UNC13A: variants seen among roughly 807,000 people sequenced by gnomAD.
UNC13A encodes the protein unc-13 homolog A.
Under a neutral mutation model 219.7 loss-of-function variants are expected in UNC13A, and 61 were observed. That is an observed-to-expected ratio of 0.28 (90% CI 0.23 to 0.34). The LOEUF (loss-of-function observed/expected upper bound fraction) is 0.34, where lower values mean the gene tolerates loss of function less well. Ranked by LOEUF, UNC13A falls within the 10% of genes least tolerant of loss-of-function variation. UNC13A has a pLI of 1.00. For synonymous variants in UNC13A, 920 were observed against 884.6 expected (o/e 1.04, Z -0.71); for missense variants, 1,476 against 2,270.3 (o/e 0.65, Z 7.11).
intron 43 of UNC13A, among the ~76,000 whole-genome samples, 182 bp from the exon 44 acceptor site, chr19:17,606,536 G>T (rs957750301): frequency 1.3e-5 from 2 of 151,852 alleles, no homozygotes; most frequent in Non-Finnish European, 2.9e-5. Flanking sequence ...GCTTGGCCGC[G>T]CCCACAGCAG....
In UNC13A at chr19:17,649,339, C is replaced by A. The variant is rs2079301538; in HGVS notation, c.1524G>T (p.Met508Ile). ...AGAGGCCCATGTCGCCATCACTCAC[C>A]ATGGCCTGAAGTGTCCACGCAGCAC... ...KPIPLVSDLA[M>I]SLVQSRKAGI... The change falls in exon 14 of 44, where the codon ATG (methionine) becomes ATT (isoleucine). Residue 508 changes from methionine to isoleucine, a missense_variant and splice_region_variant. Physicochemically the swap from Met to Ile is conservative, Grantham distance 10. Around this residue, in one of 14 missense-constraint regions of UNC13A, gnomAD observed 85 missense variants for 211.5 expected, o/e 0.40. Transcript: ENST00000519716. This position sits in a 1 kb window ranked among gnomAD's most constrained non-coding sequence, Gnocchi z 4.4. 1.3e-6 allele frequency: 2 copies of A among 1,590,388 alleles called. No individual in the cohort carries two copies. Among genetic ancestry groups the A allele is most frequent in the Non-Finnish European group, 8.5e-7 (1 of 1,172,718 alleles).
At chr19:17,616,995 G>C (rs978091543) in intron 41 of UNC13A, among the ~76,000 whole-genome samples, 10 of 152,158 alleles carry the variant, frequency 6.6e-5, no homozygotes, top group East Asian at 1.9e-4. Flanking sequence ...AAAATACAGA[G>C]AGAAAGAGAG....
chr19:17,667,003 C>T (rs10424857), intron 6 of UNC13A, among the ~76,000 whole-genome samples: 126,877 of 151,778 alleles, frequency 0.84, 53,759 homozygotes, highest in Middle Eastern at 0.92. Flanking sequence ...CCTGTAATCC[C>T]AGCACTTTGG....
chr19:17,665,776 T>G (rs1331505937), intron 7 of UNC13A, among the ~76,000 whole-genome samples: 2 of 152,208 alleles, frequency 1.3e-5, no homozygotes, highest in Non-Finnish European at 2.9e-5. Flanking sequence ...GAATAGTTTG[T>G]GGAATGAGTT....
At chr19:17,640,209 T>G (rs2076954169) in intron 22 of UNC13A, among the ~76,000 whole-genome samples, 1 of 152,088 alleles carries the variant, frequency 6.6e-6, no homozygotes, top group Admixed American at 6.6e-5. Flanking sequence ...TAATTTTCTT[T>G]TGGATTTTTA....
At chr19:17,606,522 C>T (rs528803213) in intron 43 of UNC13A, among the ~76,000 whole-genome samples, 168 bp from the exon 44 acceptor site, 1 of 152,282 alleles carries the variant, frequency 6.6e-6, no homozygotes, top group African/African-American at 2.4e-5. Context: ...ACCTACAACC[C>T]TGTGCTTGGC....
Position 17,623,569 on chromosome 19 carries a change from G to T in UNC13A, c.4198-22C>A. Reference sequence around the variant, plus strand: ...TCATCTGTCATCCGTGATGGGGGCGGGGCGGTGGGGGAGGGGGGAATAAGG... The same window carrying T: ...TCATCTGTCATCCGTGATGGGGGCGTGGCGGTGGGGGAGGGGGGAATAAGG... On this transcript the variant is annotated intron_variant, in intron 35 of 43. Coordinates refer to ENST00000519716, the MANE Select transcript of UNC13A (RefSeq NM_001080421.3). 3 of 1,313,886 alleles carry T rather than the reference G, an allele frequency of 2.3e-6. No homozygotes were observed. In the East Asian group the frequency reaches 8.3e-5, roughly 36 times the overall value. 81.4% of individuals were successfully genotyped at this position (1,313,886 alleles called of 1,614,324 possible).
At chr19:17,650,919 G>A (rs1042720239) in intron 12 of UNC13A, among the ~76,000 whole-genome samples, 2 of 143,432 alleles carry the variant, frequency 1.4e-5, no homozygotes, top group Admixed American at 7.3e-5. Flanking sequence ...GGTGTACACC[G>A]CCACACCCAG....
intron 5 of UNC13A, among the ~76,000 whole-genome samples, chr19:17,668,889 G>C (rs1599402687): frequency 6.6e-6 from 1 of 152,090 alleles, no homozygotes; most frequent in East Asian, 1.9e-4. Flanking sequence ...TCAAACTCCT[G>C]GGCTTGAGCC....
chr19:17,642,026 G>T (rs2076975660), intron 20 of UNC13A, among the ~76,000 whole-genome samples: 1 of 87,234 alleles, frequency 1.1e-5, no homozygotes, highest in Non-Finnish European at 2.5e-5. Flanking sequence ...TTGTCCATCT[G>T]CCTATACATC....
rs986388443 is a variant in UNC13A, at chr19:17,602,862, C to T, written c.*3192G>A. ...ACATAATTCCACTAGGCGTAGACTC[C>T]CTGTCACCCACTTGTGCCCAGCCTG... On this transcript the variant is annotated 3_prime_UTR_variant, in exon 44 of 44. Coordinates refer to ENST00000519716, the MANE Select transcript of UNC13A (RefSeq NM_001080421.3). The T allele has an allele frequency of 6.6e-6, 1 of 152,290 alleles. No homozygotes were observed. The highest frequency in any genetic ancestry group is 2.4e-5 in the African/African-American group (1 of 41,442). The allele number at this position is 152,290 out of a possible 1,614,324, so 9.4% of individuals were successfully genotyped here. A position where few individuals can be genotyped will look rare whatever the true frequency, so the allele number is the denominator to read the frequency against.
chr19:17,608,417 ATATT>A (rs1157792608), intron 43 of UNC13A, among the ~76,000 whole-genome samples: 5 of 138,114 alleles, frequency 3.6e-5, no homozygotes, highest in African/African-American at 1.4e-4. Context: ...ATATAAAAAT[ATATT>A]TATATGATAT....
chr19:17,628,074 C>T, intron 31 of UNC13A, 134 bp from the exon 32 acceptor site: 2 of 768,644 alleles, frequency 2.6e-6, no homozygotes, highest in South Asian at 3.2e-5. Context: ...GGGTCACCTG[C>T]AAATGGAAGG....
chr19:17,621,957 G>A, intron 36 of UNC13A, 87 bp from the exon 37 acceptor site: 1 of 1,364,494 alleles, frequency 7.3e-7, no homozygotes, highest in Non-Finnish European at 1.0e-6. Context: ...TCATGGGGAT[G>A]GGGGAATCCA....
At chr19:17,640,844 G>C (rs1160081287) in intron 21 of UNC13A, among the ~76,000 whole-genome samples, 183 bp from the exon 22 acceptor site, 2 of 151,152 alleles carry the variant, frequency 1.3e-5, no homozygotes, top group Non-Finnish European at 2.9e-5. Flanking sequence ...ATATCCATTT[G>C]AGTTGCTCTA....
At chr19:17,678,704 G>A in intron 1 of UNC13A, among the ~76,000 whole-genome samples, 1 of 152,038 alleles carries the variant, frequency 6.6e-6, no homozygotes, top group South Asian at 2.1e-4. Context: ...TGCCCAGCAG[G>A]AGCTTTGGGC....
intron 16 of UNC13A, 63 bp downstream of exon 16, chr19:17,648,368 G>T: frequency 9.3e-6 from 8 of 857,652 alleles, no homozygotes; most frequent in Non-Finnish European, 1.1e-5. Context: ...GCCTTTCCCC[G>T]CCATGCAAGC....
In UNC13A at chr19:17,672,444, A is replaced by T; in HGVS notation, c.204T>A (p.Gly68=). The T allele has an allele frequency of 6.2e-7, 1 of 1,613,776 alleles. No individual in the cohort carries two copies. Among genetic ancestry groups the T allele is most frequent in the Non-Finnish European group, 8.5e-7 (1 of 1,179,840 alleles). ...TGCCCACCATTGTGTCCCAGATGAG[A>T]CCCTTATTCCACACCTCCACCGTCA... is the stretch of plus-strand genomic sequence containing the variant. ...LGLTVEVWNK[G]LIWDTMVGTV... is the part of the protein sequence containing the mutation. Residue 68 remains glycine (G), a synonymous_variant, in exon 4 of 44, where the codon GGT becomes GGA. Transcript: ENST00000519716.
intron 22 of UNC13A, 90 bp from the exon 23 acceptor site, chr19:17,639,998 A>C: frequency 1.4e-4 from 177 of 1,241,376 alleles, no homozygotes; most frequent in Middle Eastern, 3.8e-4. Context: ...AGTATACCTC[A>C]TCCACCACCC....
Sources: gnomAD v4.1 joint callset for allele counts (sites outside exome capture counted in the v4.1 genomes callset) on GRCh38, gnomAD v4.1.1 for gene constraint, gnomAD v4.1.1 regional missense constraint, Gnocchi (gnomAD v3.1) non-coding constraint, MANE v1.5 for transcripts, NCBI Gene and HGNC (gene_info 2026-07-23, HGNC 2026-07-21) for gene names.